The following ELK3 variants were observed in gnomAD, a reference collection of about 807,000 sequenced individuals.
ELK3 encodes ETS transcription factor ELK3.
In ELK3, 10 loss-of-function variants were observed where a neutral mutation model predicts 28.9. The ratio of observed to expected loss-of-function variants is 0.35; its 90% CI spans 0.21 to 0.59. The LOEUF (loss-of-function observed/expected upper bound fraction) is 0.59. Ranked by LOEUF, ELK3 falls within the 20% of genes least tolerant of loss-of-function variation. The pLI, the probability that ELK3 is intolerant of heterozygous loss-of-function variation, is 0.82. For synonymous variants in ELK3, 272 were observed against 243.5 expected (o/e 1.12, Z -1.09); for missense variants, 463 against 517.3 (o/e 0.90, Z 1.02).
At chr12:96,215,599 C>T (rs1042775556) in intron 1 of ELK3, among the ~76,000 whole-genome samples, 2 of 148,120 alleles carry the variant, frequency 1.4e-5, no homozygotes, top group African/African-American at 5.0e-5. Context: ...TAAATAAAAA[C>T]ATGGGAAAGA....
At chr12:96,255,257 C>T (rs933900677) in intron 3 of ELK3, among the ~76,000 whole-genome samples, 24 of 152,160 alleles carry the variant, frequency 1.6e-4, no homozygotes, top group Non-Finnish European at 3.1e-4. Flanking sequence ...AACGTCCAGT[C>T]GGGGCCATGC....
chr12:96,244,710 C>T (rs925042834), intron 2 of ELK3, among the ~76,000 whole-genome samples: 9 of 152,002 alleles, frequency 5.9e-5, no homozygotes, highest in African/African-American at 1.7e-4. Flanking sequence ...AAAATTTTAG[C>T]GAAGGAAGCA....
chr12:96,242,161 C>T (rs1951826231), intron 2 of ELK3, among the ~76,000 whole-genome samples: 1 of 152,198 alleles, frequency 6.6e-6, no homozygotes, highest in South Asian at 2.1e-4. Context: ...TAAATATCCT[C>T]ATCACTTACC....
intron 1 of ELK3, among the ~76,000 whole-genome samples, chr12:96,211,184 C>G (rs1951575843): frequency 6.6e-6 from 1 of 152,150 alleles, no homozygotes; most frequent in Non-Finnish European, 1.5e-5. Context: ...AATTTAATTG[C>G]ACTAAAAAGA....
chr12:96,252,842 AT>A (rs1296201603), intron 3 of ELK3, among the ~76,000 whole-genome samples: 1 of 152,232 alleles, frequency 6.6e-6, no homozygotes, highest in Non-Finnish European at 1.5e-5. Context: ...TTTACATTAC[AT>A]TACTTAGTTG....
chr12:96,254,476 A>C (rs778120018), intron 3 of ELK3, among the ~76,000 whole-genome samples: 1 of 152,198 alleles, frequency 6.6e-6, no homozygotes, highest in African/African-American at 2.4e-5. Context: ...TAGCCATGAC[A>C]ACAAGGCATT....
At chr12:96,232,429 G>A (rs1325195493) in intron 2 of ELK3, among the ~76,000 whole-genome samples, 1 of 152,020 alleles carries the variant, frequency 6.6e-6, no homozygotes, top group African/African-American at 2.4e-5. Context: ...AATTAGCTGG[G>A]CATGGTGGTG....
chr12:96,247,053 G>T lies in ELK3; in HGVS notation c.321G>T (p.Leu107=). 6.2e-7 allele frequency: 1 copy of T among 1,614,084 alleles called. No homozygotes were observed. Among genetic ancestry groups the T allele is most frequent in the Non-Finnish European group, 8.5e-7 (1 of 1,180,040 alleles). Residue 107 remains leucine, a synonymous_variant, in exon 3 of 5, where the codon CTG becomes CTT. Transcript: ENST00000228741. The surrounding 1 kb of genome is among the most constrained non-coding windows in gnomAD (Gnocchi z 5.5). ...AVEISRESLL[L]QDSDCKASPE... is the part of the protein sequence containing the mutation. Reference sequence around the variant, plus strand: ...AGATCAGCCGGGAGAGCCTTCTGCTGCAGGACAGCGACTGCAAGGCGTCTC... The same window carrying T: ...AGATCAGCCGGGAGAGCCTTCTGCTTCAGGACAGCGACTGCAAGGCGTCTC...
chr12:96,264,978 C>A (rs1952019533), intron 4 of ELK3, among the ~76,000 whole-genome samples: 1 of 152,120 alleles, frequency 6.6e-6, no homozygotes, highest in South Asian at 2.1e-4. Flanking sequence ...AGTGGTGGAG[C>A]CCTGACTCAA....
In ELK3 at chr12:96,269,794, T is replaced by C. The variant is rs1296153926; in HGVS notation, c.*2614T>C. On this transcript the variant is annotated 3_prime_UTR_variant, in exon 5 of 5. Transcript: ENST00000228741. ...TATCATTTTTACTGTCATATTATTT[T>C]TGTTCAATAAAAACTTTGTGATAAA... is the stretch of plus-strand genomic sequence containing the variant. 6.6e-6 allele frequency: 1 copy of C among 152,240 alleles called. No individual in the cohort carries two copies. The highest frequency in any genetic ancestry group is 1.9e-4 in the East Asian group (1 of 5,204). The allele number at this position is 152,240 out of a possible 1,614,324, so 9.4% of individuals were successfully genotyped here. A position where few individuals can be genotyped will look rare whatever the true frequency, so the allele number is the denominator to read the frequency against.
chr12:96,216,186 TTTC>T (rs1233232802), intron 1 of ELK3, among the ~76,000 whole-genome samples: 2 of 152,162 alleles, frequency 1.3e-5, no homozygotes, highest in Non-Finnish European at 2.9e-5. Flanking sequence ...TTAGAACATC[TTTC>T]TTTCTTCGCT....
At chr12:96,211,421 A>T (rs1951576990) in intron 1 of ELK3, among the ~76,000 whole-genome samples, 4 of 151,766 alleles carry the variant, frequency 2.6e-5, no homozygotes, top group African/African-American at 9.7e-5. Flanking sequence ...AGAATTTTAG[A>T]TTGTCAGAAA....
At chr12:96,219,357 G>A (rs1056721535) in intron 1 of ELK3, among the ~76,000 whole-genome samples, 1 of 152,058 alleles carries the variant, frequency 6.6e-6, no homozygotes, top group Non-Finnish European at 1.5e-5. Flanking sequence ...ATGAGTTTAC[G>A]AAAATCTGTA....
intron 3 of ELK3, among the ~76,000 whole-genome samples, chr12:96,257,289 G>C (rs1417969093): frequency 2.0e-5 from 3 of 152,192 alleles, no homozygotes; most frequent in Admixed American, 6.5e-5. Context: ...TTTTCAGGGA[G>C]AACTTCAGGG....
chr12:96,227,417 T>C (rs1299346416), intron 2 of ELK3, among the ~76,000 whole-genome samples: 1 of 152,230 alleles, frequency 6.6e-6, no homozygotes, highest in African/African-American at 2.4e-5. Context: ...TTTGTCCTAA[T>C]AGGGAATTTT....
chr12:96,199,389 G>T (rs1039351107), intron 1 of ELK3, among the ~76,000 whole-genome samples: 4 of 151,892 alleles, frequency 2.6e-5, no homozygotes, highest in Non-Finnish European at 4.4e-5. Context: ...TTGAATTGAG[G>T]TCATTCAGCC....
chr12:96,267,046 G>A, intron 4 of ELK3, 36 bp from the exon 5 acceptor site: 1 of 1,561,350 alleles, frequency 6.4e-7, no homozygotes, highest in Non-Finnish European at 8.8e-7. Flanking sequence ...CAATGGATTT[G>A]CAATAATTAT....
At chr12:96,223,852 A>G in intron 2 of ELK3, 79 bp downstream of exon 2, 1 of 1,381,550 alleles carries the variant, frequency 7.2e-7, no homozygotes, top group South Asian at 1.2e-5. Context: ...AAAGAAAATA[A>G]TAGCGTGCTA....
At chr12:96,266,406 T>C (rs960062001) in intron 4 of ELK3, among the ~76,000 whole-genome samples, 4 of 152,188 alleles carry the variant, frequency 2.6e-5, no homozygotes, top group African/African-American at 7.2e-5. Flanking sequence ...AACTAACATA[T>C]TTGTTTCAGA....
Sources: allele counts gnomAD v4.1 joint callset (sites outside exome capture counted in the v4.1 genomes callset), GRCh38; gene constraint gnomAD v4.1.1; non-coding constraint Gnocchi (gnomAD v3.1); transcripts MANE v1.5; gene names NCBI Gene and HGNC (gene_info 2026-07-23, HGNC 2026-07-21).